The following ACYP2 variants were observed in gnomAD, a reference collection of about 807,000 sequenced individuals.
ACYP2 encodes the protein acylphosphatase-2.
ACYP2 carries 12 observed loss-of-function variants against 11.2 expected under a neutral mutation model. The observed-to-expected ratio is 1.08, with a 90% confidence interval of 0.69 to 1.74. The LOEUF is 1.74. Ranked by LOEUF, ACYP2 falls within the 40% of genes most tolerant of loss-of-function variation. The pLI, the probability that ACYP2 is intolerant of heterozygous loss-of-function variation, is 0.00. For missense variants in ACYP2, 134 were observed against 101.9 expected (o/e 1.31, Z -1.35); for synonymous variants, 43 against 32.2 (o/e 1.33, Z -1.13).
At chr2:53,994,113 GA>G (rs1558459140) in intron 2 of ACYP2, among the ~76,000 whole-genome samples, 1 of 151,948 alleles carries the variant, frequency 6.6e-6, no homozygotes, top group East Asian at 1.9e-4. Flanking sequence ...GGCGGATCCC[GA>G]GGTCAGGAGA....
chr2:54,095,831 A>G (rs1393252609), intron 4 of ACYP2, among the ~76,000 whole-genome samples: 2 of 77,552 alleles, frequency 2.6e-5, no homozygotes, highest in Admixed American at 1.2e-4. Flanking sequence ...CTGGCCGGGC[A>G]GAGGGGCTCC....
At chr2:54,158,654 T>C (rs1180433426) in intron 6 of ACYP2, among the ~76,000 whole-genome samples, 2 of 152,246 alleles carry the variant, frequency 1.3e-5, no homozygotes, top group African/African-American at 2.4e-5. Context: ...GGTCAAAGGC[T>C]GTCTGCAATT....
chr2:54,080,728 T>C (rs1248739943), intron 4 of ACYP2, among the ~76,000 whole-genome samples: 1 of 152,038 alleles, frequency 6.6e-6, no homozygotes, highest in Non-Finnish European at 1.5e-5. Context: ...CCTCAGGTGA[T>C]CCTCCCACCT....
intron 6 of ACYP2, among the ~76,000 whole-genome samples, chr2:54,194,065 G>A (rs575321268): frequency 8.2e-4 from 124 of 151,938 alleles, no homozygotes; most frequent in African/African-American, 3.0e-3. Context: ...TTGAGATGGA[G>A]TCTCCCTCTG....
chr2:54,065,324 G>C (rs182832690), intron 4 of ACYP2: 2 of 393,438 alleles, frequency 5.1e-6, no homozygotes, highest in Admixed American at 4.4e-5. Flanking sequence ...AGGAGGCCCA[G>C]GTACTTTGTT....
intron 6 of ACYP2, among the ~76,000 whole-genome samples, chr2:54,199,148 C>G (rs1362584582): frequency 6.6e-6 from 1 of 152,196 alleles, no homozygotes. Context: ...AAGCATGGCC[C>G]ATCAGCCCTG....
intron 2 of ACYP2, among the ~76,000 whole-genome samples, chr2:54,037,866 C>G (rs1240420238): frequency 2.6e-5 from 4 of 152,072 alleles, no homozygotes; most frequent in African/African-American, 9.7e-5. Context: ...TTATAAATAT[C>G]AATAAACTAT....
At chr2:54,266,671 T>C (rs1688042239) in intron 6 of ACYP2, among the ~76,000 whole-genome samples, 2 of 134,062 alleles carry the variant, frequency 1.5e-5, no homozygotes, top group Non-Finnish European at 1.5e-5. Context: ...AGTGGCGCGA[T>C]CTCGGCTCAC....
chr2:54,197,999 ATTGTATTGTATTG>A (rs1684584099), intron 6 of ACYP2, among the ~76,000 whole-genome samples: 1 of 141,212 alleles, frequency 7.1e-6, no homozygotes, highest in African/African-American at 3.0e-5. Context: ...ATTGTATTGT[ATTGTATTGTATTG>A]TATTGTATTG....
intron 2 of ACYP2, among the ~76,000 whole-genome samples, chr2:54,044,955 C>T (rs1332654350): frequency 6.6e-6 from 1 of 152,184 alleles, no homozygotes; most frequent in African/African-American, 2.4e-5. Flanking sequence ...CACTCTTTGA[C>T]CTGCTTCCTC....
At chr2:54,003,888 C>G (rs555934127) in intron 2 of ACYP2, among the ~76,000 whole-genome samples, 2 of 152,204 alleles carry the variant, frequency 1.3e-5, no homozygotes, top group Admixed American at 6.6e-5. Context: ...TCTAGCTCCT[C>G]GCTAGCATTT....
intron 6 of ACYP2, among the ~76,000 whole-genome samples, chr2:54,294,273 TACTG>T (rs766719435): frequency 1.2e-4 from 18 of 152,212 alleles, no homozygotes; most frequent in Non-Finnish European, 2.5e-4. Context: ...ACACAGGAAA[TACTG>T]ACTGACTTGA....
chr2:54,121,689 A>C (rs1482344855), intron 4 of ACYP2, among the ~76,000 whole-genome samples: 1 of 152,208 alleles, frequency 6.6e-6, no homozygotes, highest in Admixed American at 6.5e-5. Context: ...GTTAACTCTA[A>C]TTCCCTCTCC....
chr2:53,987,914 C>T (rs1672110604), intron 2 of ACYP2, among the ~76,000 whole-genome samples: 1 of 151,834 alleles, frequency 6.6e-6, no homozygotes, highest in African/African-American at 2.4e-5. Context: ...TTATATAGTC[C>T]AGATACTACT....
In ACYP2 at chr2:53,973,869, G is replaced by GTA. The variant is rs1210636008; in HGVS notation, c.62+60_62+61insAT. 3.4e-5 allele frequency: 4 copies of GTA among 118,202 alleles called. 1 individual carries two copies. The Admixed American group carries it at 3.8e-4, about 11-fold the overall frequency. 7.3% of individuals were successfully genotyped at this position (118,202 alleles called of 1,614,324 possible). ...GGGATATATATATGTGTGTGTGTGT[G>GTA]TGTGTGTGTGTGTGTGTGTGTGTGT... On this transcript the variant is annotated intron_variant, in intron 2 of 6. Transcript: ENST00000607452.
chr2:54,044,648 A>G (rs1558491441), intron 2 of ACYP2, among the ~76,000 whole-genome samples: 1 of 152,114 alleles, frequency 6.6e-6, no homozygotes, highest in Non-Finnish European at 1.5e-5. Flanking sequence ...TTTATTAATC[A>G]GGACCCTACA....
chr2:54,116,308 A>G (rs1572789465), intron 4 of ACYP2, among the ~76,000 whole-genome samples: 1 of 152,166 alleles, frequency 6.6e-6, no homozygotes, highest in South Asian at 2.1e-4. Flanking sequence ...AAATATTGAT[A>G]TTTATAAATG....
chr2:54,117,935 C>A (rs543777119), intron 4 of ACYP2, among the ~76,000 whole-genome samples: 3 of 152,248 alleles, frequency 2.0e-5, no homozygotes, highest in South Asian at 2.1e-4. Flanking sequence ...CCCTTTCCCC[C>A]CTGACTCCCC....
At chr2:53,978,926 C>T (rs1671620251) in intron 2 of ACYP2, among the ~76,000 whole-genome samples, 1 of 150,578 alleles carries the variant, frequency 6.6e-6, no homozygotes, top group African/African-American at 2.4e-5. Flanking sequence ...TCATCTCAAA[C>T]TTAAAAAAAA....
Sources: allele counts gnomAD v4.1 joint callset (sites outside exome capture counted in the v4.1 genomes callset), GRCh38; gene constraint gnomAD v4.1.1; transcripts MANE v1.5; gene names NCBI Gene and HGNC (gene_info 2026-07-23, HGNC 2026-07-21).